The following ST6GALNAC5 variants were observed in gnomAD, a reference collection of about 807,000 sequenced individuals.
ST6GALNAC5 encodes alpha-N-acetylgalactosaminide alpha-2,6-sialyltransferase 5.
A neutral mutation model predicts 33.6 loss-of-function variants in ST6GALNAC5; 27 were observed. The ratio of observed to expected loss-of-function variants is 0.80; its 90% CI spans 0.59 to 1.11. The LOEUF is 1.11. ST6GALNAC5 is among the 50% of genes least tolerant of loss of function. The pLI is 0.00. For synonymous variants in ST6GALNAC5, 194 were observed against 171.2 expected, an observed-to-expected ratio of 1.13 and a Z score of -1.04; for missense variants, 428 against 454.0, an observed-to-expected ratio of 0.94 and a Z score of 0.52.
At chr1:76,890,806 A>T (rs1193938176) in intron 2 of ST6GALNAC5, among the ~76,000 whole-genome samples, 1 of 152,132 alleles carries the variant, frequency 6.6e-6, no homozygotes, top group Non-Finnish European at 1.5e-5. Flanking sequence ...CATTATAAAC[A>T]TGTTAGAATT....
chr1:77,029,362 T>C (rs1651366813), intron 2 of ST6GALNAC5, among the ~76,000 whole-genome samples: 1 of 152,240 alleles, frequency 6.6e-6, no homozygotes, highest in African/African-American at 2.4e-5. Context: ...GAGGTTCTAC[T>C]ATGTCTCATC....
At chr1:76,986,090 G>C (rs1282002762) in intron 2 of ST6GALNAC5, among the ~76,000 whole-genome samples, 1 of 152,216 alleles carries the variant, frequency 6.6e-6, no homozygotes, top group East Asian at 1.9e-4. Context: ...TCAGGACATA[G>C]GCATGGGCAA....
chr1:76,992,835 G>C (rs1276697406), intron 2 of ST6GALNAC5, among the ~76,000 whole-genome samples: 1 of 152,086 alleles, frequency 6.6e-6, no homozygotes, highest in African/African-American at 2.4e-5. Context: ...TTGCTGGCTG[G>C]GCCACAGACG....
At chr1:76,894,819 G>C (rs935796328) in intron 2 of ST6GALNAC5, among the ~76,000 whole-genome samples, 1 of 152,060 alleles carries the variant, frequency 6.6e-6, no homozygotes, top group Non-Finnish European at 1.5e-5. Flanking sequence ...AATTTCACTC[G>C]CGTCCATGTG....
intron 2 of ST6GALNAC5, among the ~76,000 whole-genome samples, chr1:77,035,307 C>A (rs1170622184): frequency 6.6e-6 from 1 of 152,168 alleles, no homozygotes; most frequent in Non-Finnish European, 1.5e-5. Context: ...CTAACCTTAG[C>A]TAGCAAAATT....
At chr1:76,867,737 G>A in intron 1 of ST6GALNAC5, 47 bp downstream of exon 1, 2 of 1,613,992 alleles carry the variant, frequency 1.2e-6, no homozygotes, top group East Asian at 2.2e-5. Flanking sequence ...GGGATCCCCG[G>A]GCTCAGGGTC....
chr1:76,946,618 T>C (rs1475227374), intron 2 of ST6GALNAC5, among the ~76,000 whole-genome samples: 2 of 152,102 alleles, frequency 1.3e-5, no homozygotes, highest in Admixed American at 6.6e-5. Flanking sequence ...CAAACCCAAA[T>C]TGCCTTATGA....
At chr1:76,905,116 C>T (rs569601261) in intron 2 of ST6GALNAC5, among the ~76,000 whole-genome samples, 8 of 152,094 alleles carry the variant, frequency 5.3e-5, no homozygotes, top group South Asian at 2.1e-4. Context: ...GTGACAAAAG[C>T]GAAATTAAAA....
At chr1:76,888,630 T>C (rs1385522919) in intron 2 of ST6GALNAC5, among the ~76,000 whole-genome samples, 1 of 152,130 alleles carries the variant, frequency 6.6e-6, no homozygotes, top group Admixed American at 6.5e-5. Flanking sequence ...TTTAAAACTC[T>C]CCTTTTCCCC....
Position 77,063,001 on chromosome 1 carries a change from A to C in ST6GALNAC5, c.806A>C (p.Tyr269Ser), listed in dbSNP as rs748547179. The C allele has an allele frequency of 1.9e-6, 3 of 1,613,824 alleles. No homozygotes were observed. Among genetic ancestry groups the C allele is most frequent in the Non-Finnish European group, 2.5e-6 (3 of 1,179,862 alleles). ...GATCCCAATCACCCTTCAGTACCTT[A>C]TCATTATTATGAACCTTTTGGACCT... Reference protein sequence around the residue: ...CRDPNHPSVPYHYYEPFGPDE... With the variant: ...CRDPNHPSVPSHYYEPFGPDE... The change falls in exon 5 of 5, where the codon TAT (tyrosine) becomes TCT (serine). Residue 269 changes from tyrosine to serine, a missense_variant. Coordinates refer to ENST00000477717, the MANE Select transcript of ST6GALNAC5 (RefSeq NM_030965.3).
intron 2 of ST6GALNAC5, among the ~76,000 whole-genome samples, chr1:76,986,404 C>T (rs1225244580): frequency 6.6e-6 from 1 of 152,140 alleles, no homozygotes; most frequent in African/African-American, 2.4e-5. Flanking sequence ...CCAACAGACA[C>T]ATGAAAAAAT....
At chr1:76,875,937 C>T (rs1653628854) in intron 2 of ST6GALNAC5, among the ~76,000 whole-genome samples, 1 of 152,150 alleles carries the variant, frequency 6.6e-6, no homozygotes, top group South Asian at 2.1e-4. Context: ...CATGGTAAGA[C>T]CAGTGAATTC....
At chr1:76,879,901 G>T (rs1653737952) in intron 2 of ST6GALNAC5, among the ~76,000 whole-genome samples, 1 of 152,176 alleles carries the variant, frequency 6.6e-6, no homozygotes, top group East Asian at 1.9e-4. Flanking sequence ...TAGACACTGG[G>T]TGAGGCTGTG....
intron 2 of ST6GALNAC5, among the ~76,000 whole-genome samples, chr1:76,984,341 C>T (rs1224741385): frequency 3.3e-5 from 5 of 152,186 alleles, no homozygotes; most frequent in South Asian, 2.1e-4. Context: ...ATATCACCAT[C>T]GATCCCACAG....
chr1:77,039,498 G>C (rs1253358737), intron 2 of ST6GALNAC5, among the ~76,000 whole-genome samples: 1 of 152,154 alleles, frequency 6.6e-6, no homozygotes, highest in African/African-American at 2.4e-5. Flanking sequence ...CAAGGCCTGG[G>C]GTTTACAGCC....
intron 2 of ST6GALNAC5, among the ~76,000 whole-genome samples, chr1:77,001,594 G>A (rs1376087611): frequency 6.6e-6 from 1 of 151,718 alleles, no homozygotes; most frequent in Non-Finnish European, 1.5e-5. Flanking sequence ...AATGCTTCCA[G>A]TTTTTGCCCA....
chr1:76,912,551 G>A (rs1355308673), intron 2 of ST6GALNAC5, among the ~76,000 whole-genome samples: 2 of 151,734 alleles, frequency 1.3e-5, no homozygotes, highest in African/African-American at 4.8e-5. Flanking sequence ...ATTATTGTGT[G>A]GGAGTCTAAG....
At chr1:77,047,604 CAA>C (rs1652060758) in intron 3 of ST6GALNAC5, among the ~76,000 whole-genome samples, 2 of 152,204 alleles carry the variant, frequency 1.3e-5, no homozygotes, top group Non-Finnish European at 2.9e-5. Context: ...CTTAGATGGC[CAA>C]GTGGTATTCT....
intron 2 of ST6GALNAC5, among the ~76,000 whole-genome samples, chr1:76,939,534 C>T (rs925250342): frequency 1.3e-5 from 2 of 152,006 alleles, no homozygotes; most frequent in Admixed American, 1.3e-4. Flanking sequence ...GGAGGGGGCC[C>T]ATGGTCCACA....
Sources: gnomAD v4.1 joint callset for allele counts (sites outside exome capture counted in the v4.1 genomes callset) on GRCh38, gnomAD v4.1.1 for gene constraint, MANE v1.5 for transcripts, NCBI Gene and HGNC (gene_info 2026-07-23, HGNC 2026-07-21) for gene names.